Variants in CASP9 observed in about 807,000 individuals in gnomAD.
The protein encoded by CASP9 is caspase 9.
CASP9 carries 29 observed loss-of-function variants against 43.5 expected under a neutral mutation model. The observed-to-expected ratio is 0.67, with a 90% CI of 0.50 to 0.91. The LOEUF (loss-of-function observed/expected upper bound fraction) is 0.91, where lower values mean the gene tolerates loss of function less well. CASP9 is among the 40% of genes least tolerant of loss of function. CASP9 has a pLI of 0.00. For synonymous variants in CASP9, 206 were observed against 211.9 expected, an observed-to-expected ratio of 0.97 and a Z score of 0.24; for missense variants, 575 against 537.4, an observed-to-expected ratio of 1.07 and a Z score of -0.69.
Position 15,500,817 on chromosome 1 carries a change from G to A in CASP9, c.868+3794C>T, listed in dbSNP as rs184345794. On this transcript the variant is annotated intron_variant, in intron 6 of 8. Coordinates refer to ENST00000333868, the MANE Select transcript of CASP9 (RefSeq NM_001229.5). ...GAGGGATGCCTAAGTGGGGGATGCCGTTAAGAATGGCCAGAAGAGACAGGG... is the reference window on the plus strand; with the variant it reads ...GAGGGATGCCTAAGTGGGGGATGCCATTAAGAATGGCCAGAAGAGACAGGG... Among the ~76,000 whole-genome samples, 186 of 150,288 alleles carry A rather than the reference G, an allele frequency of 1.2e-3. 1 individual carries two copies. Among genetic ancestry groups the A allele is most frequent in the Non-Finnish European group, 1.7e-3 (113 of 67,830 alleles).
chr1:15,524,019 G>A lies in CASP9; in HGVS notation c.132+50C>T, dbSNP rs778250738. 255 of 1,355,728 alleles carry A rather than the reference G, an allele frequency of 1.9e-4. 1 individual carries two copies. Among genetic ancestry groups the A allele is most frequent in the Non-Finnish European group, 4.9e-5 (50 of 1,011,902 alleles). 84.0% of individuals were successfully genotyped at this position (1,355,728 alleles called of 1,614,324 possible). A position where few individuals can be genotyped will look rare whatever the true frequency, so the allele number is the denominator to read the frequency against. ...GCTCCCGCACAACGCCTCCTCGAGGGGCGTGGGGACCCGGCCGTGCAGCGC... is the reference window on the plus strand; with the variant it reads ...GCTCCCGCACAACGCCTCCTCGAGGAGCGTGGGGACCCGGCCGTGCAGCGC... On this transcript the variant is annotated intron_variant, in intron 1 of 8. Transcript: ENST00000333868.
intron 4 of CASP9, among the ~76,000 whole-genome samples, chr1:15,506,583 T>C (rs1328536301): frequency 6.6e-6 from 1 of 152,122 alleles, no homozygotes; most frequent in Admixed American, 6.6e-5. Context: ...CCACCATTTT[T>C]GGGGAGAAGG....
chr1:15,505,050 G>T (rs1048527702), intron 5 of CASP9, among the ~76,000 whole-genome samples: 1 of 152,150 alleles, frequency 6.6e-6, no homozygotes, highest in Admixed American at 6.5e-5. Flanking sequence ...CTGCAGCAGC[G>T]GCATCAATAT....
chr1:15,494,904 G>A lies in CASP9; in HGVS notation c.1048+369C>T, dbSNP rs559948102. ...AAAAAAAAGAAGGAAGGAAACTACC[G>A]CTTGCTGCAACTACTACGTGCCCCG... On this transcript the variant is annotated intron_variant, in intron 7 of 8. Coordinates refer to ENST00000333868, the MANE Select transcript of CASP9 (RefSeq NM_001229.5). Among the ~76,000 whole-genome samples, 28 of 142,938 alleles carry A rather than the reference G, an allele frequency of 2.0e-4. 1 individual carries two copies. Among genetic ancestry groups the A allele is most frequent in the South Asian group, 1.4e-3 (6 of 4,428 alleles). The allele number at this position is 142,938 out of a possible 152,430, so 93.8% of individuals were successfully genotyped here.
At chr1:15,501,585 C>T (rs1709331418) in intron 6 of CASP9, among the ~76,000 whole-genome samples, 1 of 152,170 alleles carries the variant, frequency 6.6e-6, no homozygotes. Context: ...GCTGACGTGG[C>T]GCCACCATGT....
At chr1:15,494,818 G>A (rs575974038) in intron 7 of CASP9, among the ~76,000 whole-genome samples, 9 of 135,876 alleles carry the variant, frequency 6.6e-5, no homozygotes, top group South Asian at 2.3e-4. Context: ...ACCCAAGATC[G>A]CGCCACTGCA....
chr1:15,492,716 G>A lies in CASP9; in HGVS notation c.*227C>T. ...CCCTGGACCAGCCACTGCTCAAGAG[G>A]CCACGTGCAATCCACGGCATTCATC... is the stretch of plus-strand genomic sequence containing the variant. On this transcript the variant is annotated 3_prime_UTR_variant, in exon 9 of 9. Transcript: ENST00000333868. The A allele has an allele frequency of 1.7e-6, 1 of 596,984 alleles. No homozygotes were observed. Among genetic ancestry groups the A allele is most frequent in the Non-Finnish European group, 2.9e-6 (1 of 343,154 alleles). The allele number at this position is 596,984 out of a possible 1,614,324, so 37.0% of individuals were successfully genotyped here. A position where few individuals can be genotyped will look rare whatever the true frequency, so the allele number is the denominator to read the frequency against.
chr1:15,498,237 C>T (rs780824665), intron 6 of CASP9, among the ~76,000 whole-genome samples: 1 of 152,150 alleles, frequency 6.6e-6, no homozygotes, highest in African/African-American at 2.4e-5. Context: ...TGCCACCACA[C>T]CCAGTTAATT....
At chr1:15,520,883 C>G (rs995021123) in intron 1 of CASP9, among the ~76,000 whole-genome samples, 1 of 152,014 alleles carries the variant, frequency 6.6e-6, no homozygotes, top group African/African-American at 2.4e-5. Context: ...CCTGGCTGGG[C>G]GCGGTGGCTC....
chr1:15,524,591 A>ACTGACCTCACGTCG (rs1710375725), upstream of CASP9: 1 of 525,470 alleles, frequency 1.9e-6, no homozygotes, highest in Non-Finnish European at 2.1e-6. Context: ...ACCTCACGTC[A>ACTGACCTCACGTCG]CCGCCCCGCC....
intron 4 of CASP9, 141 bp downstream of exon 4, chr1:15,506,758 G>C: frequency 3.0e-6 from 2 of 668,098 alleles, no homozygotes; most frequent in South Asian, 3.9e-5. Flanking sequence ...TGAACCTGTA[G>C]CCGCTGGGCC....
At chr1:15,519,228 G>A (rs1449866451) in intron 1 of CASP9, among the ~76,000 whole-genome samples, 1 of 150,564 alleles carries the variant, frequency 6.6e-6, no homozygotes, top group Non-Finnish European at 1.5e-5. Flanking sequence ...CACCCAGGCT[G>A]GAATGCAGTG....
intron 2 of CASP9, among the ~76,000 whole-genome samples, chr1:15,513,196 T>G (rs986464847): frequency 8.6e-5 from 13 of 151,986 alleles, no homozygotes; most frequent in Admixed American, 7.9e-4. Flanking sequence ...TCATTCTCTT[T>G]CTTGTCTGTG....
Position 15,518,181 on chromosome 1 carries a change from C to A in CASP9, c.347G>T (p.Arg116Leu). ...LTPVVLRPEI[R>L]KPEVLRPETP... ...TTCCGGTCTGAGAACCTCTGGTTTG[C>A]GAATCTCTGGTCTGAGCACCACTGG... Residue 116 changes from arginine (R) to leucine (L), a missense_variant, in exon 2 of 9, where the codon CGC becomes CTC. Coordinates refer to ENST00000333868, the MANE Select transcript of CASP9 (RefSeq NM_001229.5). 2 of 1,614,194 alleles carry A rather than the reference C, an allele frequency of 1.2e-6. No homozygotes were observed. Among genetic ancestry groups the A allele is most frequent in the Non-Finnish European group, 1.7e-6 (2 of 1,180,040 alleles).
upstream of CASP9, chr1:15,524,229 G>T (rs1354941554): frequency 6.5e-7 from 1 of 1,531,186 alleles, no homozygotes; most frequent in South Asian, 1.2e-5. Context: ...ACTCCAGGCC[G>T]CCTCAGTCCG....
chr1:15,514,093 A>C (rs1709865725), intron 2 of CASP9, among the ~76,000 whole-genome samples: 1 of 152,172 alleles, frequency 6.6e-6, no homozygotes, highest in African/African-American at 2.4e-5. Context: ...CAGCCCCACC[A>C]CACTAACCCT....
In CASP9 at chr1:15,506,016, C is replaced by T. The variant is rs1451814753; in HGVS notation, c.694G>A (p.Val232Met). 2.3e-5 allele frequency: 37 copies of T among 1,614,030 alleles called. No homozygotes were observed. The highest frequency in any genetic ancestry group is 2.3e-5 in the Non-Finnish European group (27 of 1,179,982). The change falls in exon 5 of 9, where the codon GTG becomes ATG. Residue 232 changes from valine (V) to methionine (M), a missense_variant. By Grantham distance (21) the Val-to-Met change is conservative. Coordinates refer to ENST00000333868, the MANE Select transcript of CASP9 (RefSeq NM_001229.5). The part of the protein sequence containing the change: ...QDHGALDCCV[V>M]VILSHGCQAS... ...TGACAGCCGTGAGAGAGAATGACCA[C>T]CACGCAGCAGTCCAGAGCACCGTGG...
At chr1:15,502,881 G>A (rs1389499472) in intron 6 of CASP9, among the ~76,000 whole-genome samples, 1 of 152,196 alleles carries the variant, frequency 6.6e-6, no homozygotes. Flanking sequence ...GATAAGACAG[G>A]AGGTGAGGCA....
At chr1:15,506,173 G>GCGTGAACCAC in intron 4 of CASP9, 94 bp from the exon 5 acceptor site, 1 of 847,790 alleles carries the variant, frequency 1.2e-6, no homozygotes, top group Non-Finnish European at 2.0e-6. Context: ...GCCTGGCCAG[G>GCGTGAACCAC]CATGGTGGTT....
Sources: allele counts gnomAD v4.1 joint callset (sites outside exome capture counted in the v4.1 genomes callset), GRCh38; gene constraint gnomAD v4.1.1; transcripts MANE v1.5; gene names NCBI Gene and HGNC (gene_info 2026-07-23, HGNC 2026-07-21).